The following DCDC1 variants were observed in gnomAD, a reference collection of about 807,000 sequenced individuals.
DCDC1 encodes the protein doublecortin domain-containing protein 1.
A neutral mutation model predicts 178.3 loss-of-function variants in DCDC1; 200 were observed. The ratio of observed to expected loss-of-function variants is 1.12; its 90% CI spans 1.00 to 1.26. The LOEUF is 1.26. Among genes scored for constraint, DCDC1 ranks in the 50% most tolerant of loss-of-function variants. DCDC1 has a pLI of 0.00. For missense variants in DCDC1, 1,983 were observed against 1,749.2 expected (o/e 1.13, Z -2.38); for synonymous variants, 690 against 604.8 (o/e 1.14, Z -2.07).
chr11:31,083,286 T>A (rs929630582), intron 17 of DCDC1, among the ~76,000 whole-genome samples: 10 of 152,246 alleles, frequency 6.6e-5, no homozygotes, highest in African/African-American at 2.2e-4. Flanking sequence ...ACTTCTTTTA[T>A]GGATCATCTT....
At chr11:30,952,661 T>C (rs1948501839) in intron 20 of DCDC1, 93 bp from the exon 21 acceptor site, 2 of 463,466 alleles carry the variant, frequency 4.3e-6, no homozygotes, top group South Asian at 1.3e-4. Flanking sequence ...TACTATACAC[T>C]AGGCAAAAAC....
At chr11:31,128,157 C>G (rs1961912869) in intron 10 of DCDC1, among the ~76,000 whole-genome samples, 1 of 151,876 alleles carries the variant, frequency 6.6e-6, no homozygotes. Context: ...CCCAAATATT[C>G]CAATACTTTT....
At chr11:31,161,463 G>C (rs535346751) in intron 9 of DCDC1, among the ~76,000 whole-genome samples, 1 of 152,232 alleles carries the variant, frequency 6.6e-6, no homozygotes, top group East Asian at 1.9e-4. Context: ...CCTTGGCTCT[G>C]TCTATCGCAG....
At position 31,079,875 on chromosome 11, in the gene DCDC1, T is replaced by G. The variant is rs74579558; in HGVS notation, c.2238-1950A>C. Among the ~76,000 whole-genome samples the G allele has an allele frequency of 9.0e-3, 1,370 of 152,120 alleles. 25 individuals carry two copies. Among genetic ancestry groups the G allele is most frequent in the African/African-American group, 0.032 (1,320 of 41,500 alleles). ...GAAAAGAAGAGGAACATGACACTAT[T>G]AAAGGAAAATGAAATGAGAATGGAG... On this transcript the variant is annotated intron_variant, in intron 17 of 38. Coordinates refer to ENST00000684477, the MANE Select transcript of DCDC1 (RefSeq NM_001387274.1).
In DCDC1 at chr11:31,094,224, CTAAGAGTT is replaced by C. The variant is rs750685076; in HGVS notation, c.1984-48_1984-41del. On this transcript the variant is annotated intron_variant, in intron 15 of 38. Transcript: ENST00000684477. ...GAAGTATGCATTTTTAACTCATAGT[CTAAGAGTT>C]AAACTCCTCAACACACTTACCCAAA... 1.2e-3 allele frequency: 934 copies of C among 762,502 alleles called. 2 individuals carry two copies. The highest frequency in any genetic ancestry group is 1.3e-3 in the Non-Finnish European group (544 of 415,620). 47.2% of individuals were successfully genotyped at this position (762,502 alleles called of 1,614,324 possible). A position where few individuals can be genotyped will look rare whatever the true frequency, so the allele number is the denominator to read the frequency against.
intron 8 of DCDC1, among the ~76,000 whole-genome samples, chr11:31,257,415 T>C (rs11031332): frequency 0.3 from 45,166 of 152,008 alleles, 8,161 homozygotes; most frequent in East Asian, 0.63. Flanking sequence ...AGAAAGGTGA[T>C]AGATTTTTTT....
intron 9 of DCDC1, among the ~76,000 whole-genome samples, chr11:31,235,375 C>G (rs945766325): frequency 1.3e-5 from 2 of 151,344 alleles, no homozygotes; most frequent in African/African-American, 4.9e-5. Context: ...GAAAAATGGT[C>G]CATATTCTGT....
chr11:31,367,935 C>A (rs892724341), intron 1 of DCDC1, among the ~76,000 whole-genome samples: 2 of 151,980 alleles, frequency 1.3e-5, no homozygotes, highest in African/African-American at 2.4e-5. Flanking sequence ...AAGAAAAAAA[C>A]AAGGTTCTAG....
rs138071444 is a variant in DCDC1, at chr11:31,094,577, G to C, written c.1984-393C>G. 2.6e-3 allele frequency among the ~76,000 whole-genome samples: 393 copies of C among 152,220 alleles called. 1 individual carries two copies. The highest frequency in any genetic ancestry group is 9.0e-3 in the African/African-American group (373 of 41,544). ...GAGTAACCTAAAGGTGGAGCATCTT[G>C]AAAGACGTTAACATGTAAAGCAGGC... On this transcript the variant is annotated intron_variant, in intron 15 of 38. Coordinates refer to ENST00000684477, the MANE Select transcript of DCDC1 (RefSeq NM_001387274.1).
chr11:31,220,091 A>C (rs1974070808), intron 9 of DCDC1, among the ~76,000 whole-genome samples: 1 of 152,238 alleles, frequency 6.6e-6, no homozygotes, highest in African/African-American at 2.4e-5. Context: ...TAATAACAAT[A>C]ACCCTATATT....
chr11:30,913,404 C>CAAAA (rs1187943898), intron 27 of DCDC1, among the ~76,000 whole-genome samples: 1 of 143,938 alleles, frequency 6.9e-6, no homozygotes. Context: ...GACTCTGTCT[C>CAAAA]AAAAAAAAAA....
At chr11:30,959,351 C>T (rs192562348) in intron 20 of DCDC1, among the ~76,000 whole-genome samples, 12 of 152,216 alleles carry the variant, frequency 7.9e-5, no homozygotes, top group Admixed American at 6.5e-4. Flanking sequence ...GCCCGGTTTA[C>T]GTGCCTCTCC....
At chr11:30,873,360 T>TAG (rs1318294592) in intron 38 of DCDC1, among the ~76,000 whole-genome samples, 7,156 of 138,540 alleles carry the variant, frequency 0.052, 238 homozygotes, top group Non-Finnish European at 0.073. Flanking sequence ...TATATATATA[T>TAG]ATATAGAGAG....
chr11:31,150,946 T>C (rs1965111276), intron 9 of DCDC1, among the ~76,000 whole-genome samples: 2 of 152,206 alleles, frequency 1.3e-5, no homozygotes, highest in African/African-American at 4.8e-5. Flanking sequence ...TAAATTCTTA[T>C]TTAAGAATTG....
At chr11:31,068,713 A>T in intron 18 of DCDC1, among the ~76,000 whole-genome samples, 1 of 152,154 alleles carries the variant, frequency 6.6e-6, no homozygotes, top group Non-Finnish European at 1.5e-5. Flanking sequence ...TATCCCTTTT[A>T]TTATTTAAAT....
intron 20 of DCDC1, among the ~76,000 whole-genome samples, chr11:30,995,390 T>C (rs1371820898): frequency 6.6e-6 from 1 of 152,152 alleles, no homozygotes; most frequent in Non-Finnish European, 1.5e-5. Flanking sequence ...CAAACTCTTT[T>C]GTAGATTTCG....
intron 9 of DCDC1, among the ~76,000 whole-genome samples, chr11:31,213,875 GAAGTATT>G (rs906544505): frequency 1.3e-5 from 1 of 77,788 alleles, no homozygotes; most frequent in Non-Finnish European, 3.7e-5. Context: ...TAGAGAAAAA[GAAGTATT>G]TATTTATATT....
intron 1 of DCDC1, among the ~76,000 whole-genome samples, chr11:31,368,688 G>C (rs1345383257): frequency 6.6e-6 from 1 of 152,072 alleles, no homozygotes; most frequent in African/African-American, 2.4e-5. Context: ...TTCTGCTTAA[G>C]TTTATCTTGA....
At chr11:30,965,698 C>T (rs1949390572) in intron 20 of DCDC1, among the ~76,000 whole-genome samples, 1 of 143,780 alleles carries the variant, frequency 7.0e-6, no homozygotes, top group Admixed American at 7.0e-5. Flanking sequence ...TGCGCTGCAG[C>T]CACTAACGTG....
Sources: gnomAD v4.1 joint callset for allele counts (sites outside exome capture counted in the v4.1 genomes callset) on GRCh38, gnomAD v4.1.1 for gene constraint, MANE v1.5 for transcripts, NCBI Gene and HGNC (gene_info 2026-07-23, HGNC 2026-07-21) for gene names.